Variants in CDH13 observed in about 807,000 individuals in gnomAD.
CDH13 encodes the protein cadherin 13.
CDH13 carries 24 observed loss-of-function variants against 63.8 expected under a neutral mutation model. That is an observed-to-expected ratio of 0.38 (90% CI 0.27 to 0.53). The LOEUF is 0.53. Ranked by LOEUF, CDH13 falls within the 20% of genes least tolerant of loss-of-function variation. The pLI is 0.85. For synonymous variants in CDH13, 503 were observed against 355.3 expected (o/e 1.42, Z -4.67); for missense variants, 1,049 against 903.1 (o/e 1.16, Z -2.07).
intron 1 of CDH13, among the ~76,000 whole-genome samples, chr16:82,830,101 C>T (rs551969954): frequency 1.3e-5 from 2 of 152,000 alleles, no homozygotes; most frequent in African/African-American, 2.4e-5. Context: ...TTTTTTTCCC[C>T]CAGATGAGGG....
chr16:83,409,546 C>T (rs1484784477), intron 6 of CDH13, among the ~76,000 whole-genome samples: 2 of 152,240 alleles, frequency 1.3e-5, no homozygotes, highest in Non-Finnish European at 2.9e-5. Flanking sequence ...TGACTCAGAC[C>T]TCTGTCAATA....
intron 8 of CDH13, among the ~76,000 whole-genome samples, chr16:83,624,487 A>T (rs1910102603): frequency 6.6e-6 from 1 of 152,104 alleles, no homozygotes; most frequent in Non-Finnish European, 1.5e-5. Context: ...GGCATCAGTT[A>T]GATTCTCTTA....
Position 83,216,427 on chromosome 16 carries a change from T to TATATATATATATATAAAA in CDH13, c.484-903_484-902insAAAATATATATATATATA, listed in dbSNP as rs1367971790. ...ATATATATATATATATATATATATA[T>TATATATATATATATAAAA]ATATATATATATATATACACAACCC... On this transcript the variant is annotated intron_variant, in intron 4 of 13. Transcript: ENST00000567109. 8.9e-4 allele frequency among the ~76,000 whole-genome samples: 40 copies of TATATATATATATATAAAA among 45,070 alleles called. 7 individuals carry two copies. The highest frequency in any genetic ancestry group is 1.4e-3 in the Non-Finnish European group (29 of 20,136). 29.6% of individuals were successfully genotyped at this position (45,070 alleles called of 152,430 possible). A position where few individuals can be genotyped will look rare whatever the true frequency, so the allele number is the denominator to read the frequency against.
intron 2 of CDH13, chr16:82,858,857 G>A (rs1261784228): frequency 7.7e-6 from 2 of 259,468 alleles, no homozygotes; most frequent in Non-Finnish European, 1.5e-5. Context: ...CTCATACATA[G>A]CATTAGATCA....
chr16:82,663,271 C>T (rs899924873), intron 1 of CDH13, among the ~76,000 whole-genome samples: 1 of 152,204 alleles, frequency 6.6e-6, no homozygotes. Context: ...ACCGCAACCT[C>T]TGCCTCCTAG....
At chr16:83,374,378 T>C (rs80292335) in intron 6 of CDH13, among the ~76,000 whole-genome samples, 1,956 of 152,312 alleles carry the variant, frequency 0.013, 38 homozygotes, top group African/African-American at 0.044. Flanking sequence ...TTTGCTTGCT[T>C]TTGGCAAAGA....
At chr16:82,716,413 C>G (rs1350567255) in intron 1 of CDH13, among the ~76,000 whole-genome samples, 1 of 151,884 alleles carries the variant, frequency 6.6e-6, no homozygotes, top group South Asian at 2.1e-4. Context: ...TCATCTCTCC[C>G]AATTGCCTTT....
At position 83,700,296 on chromosome 16, in the gene CDH13, C is replaced by G. The variant is rs1461871253; in HGVS notation, c.1538+21835C>G. ...GACAAAGACCTTCTGCAGAAAGATT[C>G]AATTCTATGCAGTCCCCACCTCGAA... On this transcript the variant is annotated intron_variant, in intron 10 of 13. Coordinates refer to ENST00000567109, the MANE Select transcript of CDH13 (RefSeq NM_001257.5). Among the ~76,000 whole-genome samples the G allele has an allele frequency of 2.6e-5, 4 of 152,210 alleles. No homozygotes were observed. The East Asian group carries it at 7.7e-4, about 29-fold the overall frequency.
intron 2 of CDH13, among the ~76,000 whole-genome samples, chr16:82,862,579 T>G (rs1040175663): frequency 2.6e-5 from 4 of 152,214 alleles, no homozygotes; most frequent in African/African-American, 9.6e-5. Flanking sequence ...TTACCCTTGT[T>G]CATTCTTTAT....
chr16:82,649,274 TAGA>T (rs1377595588), intron 1 of CDH13, among the ~76,000 whole-genome samples: 1 of 151,990 alleles, frequency 6.6e-6, no homozygotes, highest in African/African-American at 2.4e-5. Context: ...ACTGGCTAGA[TAGA>T]AGGATAGATG....
intron 7 of CDH13, among the ~76,000 whole-genome samples, chr16:83,596,519 G>A (rs566683400): frequency 1.4e-4 from 21 of 152,238 alleles, no homozygotes; most frequent in East Asian, 7.7e-4. Context: ...CTGGAGAAAG[G>A]GCATCTGTGG....
At chr16:83,014,416 A>T (rs1914477303) in intron 2 of CDH13, among the ~76,000 whole-genome samples, 1 of 151,618 alleles carries the variant, frequency 6.6e-6, no homozygotes, top group African/African-American at 2.4e-5. Flanking sequence ...GAACTACTTA[A>T]ATATATGTAT....
intron 4 of CDH13, among the ~76,000 whole-genome samples, chr16:83,136,160 C>G (rs1386113605): frequency 6.9e-6 from 1 of 145,304 alleles, no homozygotes; most frequent in Non-Finnish European, 1.5e-5. Context: ...TGTACCCCAA[C>G]AACCTATAGA....
At chr16:82,716,267 G>T (rs1279122814) in intron 1 of CDH13, among the ~76,000 whole-genome samples, 1 of 152,018 alleles carries the variant, frequency 6.6e-6, no homozygotes, top group Non-Finnish European at 1.5e-5. Flanking sequence ...GACCTCCTAT[G>T]GGGAATAGAA....
At chr16:83,072,483 A>G (rs1421684721) in intron 3 of CDH13, among the ~76,000 whole-genome samples, 1 of 152,166 alleles carries the variant, frequency 6.6e-6, no homozygotes, top group African/African-American at 2.4e-5. Flanking sequence ...AATCATTAGA[A>G]ATGCCTGTCC....
At chr16:83,324,512 C>G (rs1267435626) in intron 5 of CDH13, among the ~76,000 whole-genome samples, 1 of 152,198 alleles carries the variant, frequency 6.6e-6, no homozygotes, top group East Asian at 1.9e-4. Flanking sequence ...ACTTGCCCTT[C>G]CATGAGTAGC....
At chr16:83,081,729 G>C (rs187934550) in intron 3 of CDH13, among the ~76,000 whole-genome samples, 1 of 151,998 alleles carries the variant, frequency 6.6e-6, no homozygotes, top group Non-Finnish European at 1.5e-5. Context: ...GAAAGAGCTC[G>C]CAAGGATCAT....
At chr16:83,561,151 C>T (rs1259630309) in intron 7 of CDH13, among the ~76,000 whole-genome samples, 4 of 151,978 alleles carry the variant, frequency 2.6e-5, no homozygotes, top group Non-Finnish European at 5.9e-5. Flanking sequence ...CTCATTCCTT[C>T]AAAAGAGACT....
chr16:83,763,956 G>A (rs756922855), intron 11 of CDH13, among the ~76,000 whole-genome samples: 2 of 152,102 alleles, frequency 1.3e-5, no homozygotes, highest in East Asian at 3.9e-4. Context: ...CATCTTAGCT[G>A]TGCAATGATA....
Sources: gnomAD v4.1 joint callset for allele counts (sites outside exome capture counted in the v4.1 genomes callset) on GRCh38, gnomAD v4.1.1 for gene constraint, MANE v1.5 for transcripts, NCBI Gene and HGNC (gene_info 2026-07-23, HGNC 2026-07-21) for gene names.